The following MYO16 variants were observed in gnomAD, a reference collection of about 807,000 sequenced individuals.
MYO16 encodes the protein myosin XVI.
Under a neutral mutation model 205.3 loss-of-function variants are expected in MYO16, and 94 were observed. The observed-to-expected ratio is 0.46, with a 90% CI of 0.39 to 0.54. MYO16 has a LOEUF of 0.54. MYO16 is among the 20% of genes least tolerant of loss of function. The probability of loss-of-function intolerance (pLI) is 0.00; values close to 1 mark genes in which losing one functional copy is unlikely to be tolerated. For missense variants in MYO16, 2,315 were observed against 2,387.5 expected (o/e 0.97, Z 0.63); for synonymous variants, 988 against 954.0 (o/e 1.04, Z -0.66).
At chr13:108,768,872 AAACCC>A (rs1885866866) in intron 4 of MYO16, among the ~76,000 whole-genome samples, 1 of 152,178 alleles carries the variant, frequency 6.6e-6, no homozygotes, top group Non-Finnish European at 1.5e-5. Flanking sequence ...TAAATAGCCA[AAACCC>A]TTGAACAGAT....
Position 109,052,550 on chromosome 13 carries a change from A to AT in MYO16, c.3048+75_3048+76insT. On this transcript the variant is annotated intron_variant, in intron 25 of 34. Transcript: ENST00000457511. ...TATTTGCTTCTTTTTTTTTAAAAAA[A>AT]AGCACAATTTTAAATACCAAGGAAA... is the stretch of plus-strand genomic sequence containing the variant. 3 of 1,182,182 alleles carry AT rather than the reference A, an allele frequency of 2.5e-6. No homozygotes were observed. In the South Asian group the frequency reaches 4.4e-5, roughly 17 times the overall value. The allele number at this position is 1,182,182 out of a possible 1,614,324, so 73.2% of individuals were successfully genotyped here.
intron 16 of MYO16, among the ~76,000 whole-genome samples, chr13:108,957,045 AT>A (rs1883377908): frequency 6.6e-6 from 1 of 152,110 alleles, no homozygotes; most frequent in African/African-American, 2.4e-5. Flanking sequence ...TAGTTCAAAT[AT>A]TAATTACAAA....
intron 1 of MYO16, among the ~76,000 whole-genome samples, chr13:108,613,033 A>G (rs1777249903): frequency 6.6e-6 from 1 of 152,118 alleles, no homozygotes; most frequent in South Asian, 2.1e-4. Context: ...AGAGAGACAA[A>G]AAGTAAAGCT....
chr13:108,763,346 T>C (rs531596080), intron 4 of MYO16, among the ~76,000 whole-genome samples: 1 of 152,298 alleles, frequency 6.6e-6, no homozygotes, highest in Non-Finnish European at 1.5e-5. Context: ...TAAACAATAC[T>C]ATAGAAACTC....
intron 8 of MYO16, 98 bp downstream of exon 8, chr13:108,820,510 C>T (rs1424824788): frequency 3.2e-6 from 3 of 934,264 alleles, no homozygotes; most frequent in East Asian, 2.7e-5. Flanking sequence ...AAAGTGAGAG[C>T]TGGACATGCC....
chr13:108,574,637 C>G, the MYO16 span, among the ~76,000 whole-genome samples: 6 of 151,226 alleles, frequency 4.0e-5, no homozygotes, highest in African/African-American at 1.5e-4. Context: ...AATCTTCTCC[C>G]TTTCCACAGC....
At chr13:108,593,772 T>G (rs1878465107), upstream of MYO16, among the ~76,000 whole-genome samples, 1 of 152,148 alleles carries the variant, frequency 6.6e-6, no homozygotes, top group Non-Finnish European at 1.5e-5. Context: ...ATACCCGTGA[T>G]GAAGTCGCAC....
the MYO16 span, among the ~76,000 whole-genome samples, chr13:108,551,341 C>T: frequency 5.3e-5 from 8 of 152,156 alleles, no homozygotes; most frequent in African/African-American, 1.9e-4. Flanking sequence ...TGAACTGGCT[C>T]CCAAAACTGA....
intron 15 of MYO16, among the ~76,000 whole-genome samples, chr13:108,900,633 TCTTTA>T (rs1185972958): frequency 2.6e-5 from 4 of 152,220 alleles, no homozygotes; most frequent in Non-Finnish European, 5.9e-5. Flanking sequence ...CCTATGCCTG[TCTTTA>T]CTTTAACCTC....
intron 29 of MYO16, among the ~76,000 whole-genome samples, chr13:109,122,269 T>G (rs950982982): frequency 9.2e-5 from 14 of 152,202 alleles, no homozygotes; most frequent in African/African-American, 3.4e-4. Context: ...TTTGCCCCAT[T>G]AGAAATTTCT....
intron 5 of MYO16, among the ~76,000 whole-genome samples, chr13:108,793,024 A>C (rs1410774401): frequency 1.3e-5 from 2 of 152,316 alleles, no homozygotes; most frequent in East Asian, 3.9e-4. Flanking sequence ...ACTTTAGAAC[A>C]TAACATCCCA....
Position 108,963,736 on chromosome 13 carries a change from G to A in MYO16, c.2228-1025G>A, listed in dbSNP as rs530458025. ...CATCTTGAAGACATTGTTCTTCTTC[G>A]CACCTTCTTTTGAGAAACATTGAGC... On this transcript the variant is annotated intron_variant, in intron 19 of 34. Transcript: ENST00000457511. Among the ~76,000 whole-genome samples the A allele has an allele frequency of 1.2e-4, 19 of 152,200 alleles. No individual in the cohort carries two copies. In the South Asian group the frequency reaches 2.9e-3, roughly 23 times the overall value.
chr13:108,955,625 C>T (rs537986298), intron 16 of MYO16, among the ~76,000 whole-genome samples: 8 of 152,266 alleles, frequency 5.3e-5, no homozygotes, highest in South Asian at 4.1e-4. Context: ...AAGGCCAAGG[C>T]GGGTGGATCA....
chr13:109,102,052 G>A (rs1195457554), intron 28 of MYO16: 1 of 151,914 alleles, frequency 6.6e-6, no homozygotes, highest in East Asian at 1.9e-4. Context: ...TGATTTAATT[G>A]TCTGTGCCAC....
chr13:109,067,686 G>C (rs1887795945), intron 27 of MYO16, among the ~76,000 whole-genome samples: 1 of 152,074 alleles, frequency 6.6e-6, no homozygotes. Context: ...GATTGCCTTT[G>C]GTCGGCTTCC....
intron 20 of MYO16, among the ~76,000 whole-genome samples, chr13:108,988,134 A>T (rs779889346): frequency 5.3e-5 from 8 of 152,196 alleles, no homozygotes; most frequent in Non-Finnish European, 7.3e-5. Flanking sequence ...GCTGGATCAC[A>T]TGACCTCTCT....
At chr13:108,917,162 A>G (rs1219932596) in intron 16 of MYO16, among the ~76,000 whole-genome samples, 2 of 152,112 alleles carry the variant, frequency 1.3e-5, no homozygotes, top group Non-Finnish European at 2.9e-5. Flanking sequence ...CACAGAAGAG[A>G]ACGTGACCAC....
intron 4 of MYO16, among the ~76,000 whole-genome samples, chr13:108,755,822 C>T (rs1307404034): frequency 1.3e-5 from 2 of 152,112 alleles, no homozygotes; most frequent in Non-Finnish European, 1.5e-5. Context: ...GCAGTGAACT[C>T]TAGATGTTCT....
At chr13:108,588,419 A>G in the MYO16 span, among the ~76,000 whole-genome samples, 2 of 152,186 alleles carry the variant, frequency 1.3e-5, no homozygotes, top group African/African-American at 4.8e-5. Context: ...GCATACATAA[A>G]ACATCGTTTC....
Sources: gnomAD v4.1 joint callset for allele counts (sites outside exome capture counted in the v4.1 genomes callset) on GRCh38, gnomAD v4.1.1 for gene constraint, MANE v1.5 for transcripts, NCBI Gene and HGNC (gene_info 2026-07-23, HGNC 2026-07-21) for gene names.